The following PHF24 variants were observed in gnomAD, a reference collection of about 807,000 sequenced individuals.
PHF24 encodes the protein PHD finger protein 24.
PHF24 carries 25 observed loss-of-function variants against 42.6 expected under a neutral mutation model. The ratio of observed to expected loss-of-function variants is 0.59; its 90% confidence interval spans 0.43 to 0.82. The LOEUF is 0.82. Among genes scored for constraint, PHF24 ranks in the 40% least tolerant of loss-of-function variants. The probability of loss-of-function intolerance (pLI) is 0.00; values close to 1 mark genes in which losing one functional copy is unlikely to be tolerated. For synonymous variants in PHF24, 185 were observed against 204.8 expected (o/e 0.90, Z 0.83); for missense variants, 470 against 538.1 (o/e 0.87, Z 1.25).
the PHF24 span, among the ~76,000 whole-genome samples, chr9:34,686,472 C>T: frequency 2.6e-5 from 4 of 152,138 alleles, no homozygotes; most frequent in African/African-American, 4.8e-5. Flanking sequence ...TTTTGTTAAT[C>T]ATATGTGTAT....
At chr9:34,971,536 G>A (rs750087334) in exon 2 of PHF24, 3 of 1,614,198 alleles carry the variant, frequency 1.9e-6, no homozygotes, top group Non-Finnish European at 2.5e-6. Flanking sequence ...CGCAGCCTGG[G>A]AGCGGCTCCG....
the PHF24 span, among the ~76,000 whole-genome samples, chr9:34,931,301 G>A: frequency 6.7e-5 from 10 of 148,880 alleles, no homozygotes; most frequent in African/African-American, 1.2e-4. Flanking sequence ...GCATGAACCC[G>A]AGAGGCGGAG....
chr9:34,936,997 G>A, the PHF24 span, among the ~76,000 whole-genome samples: 8 of 145,292 alleles, frequency 5.5e-5, no homozygotes, highest in African/African-American at 2.0e-4. Flanking sequence ...CCCCCGCCAG[G>A]CCAGCCGCCC....
chr9:34,931,191 A>G, the PHF24 span, among the ~76,000 whole-genome samples: 1 of 152,014 alleles, frequency 6.6e-6, no homozygotes, highest in Non-Finnish European at 1.5e-5. Context: ...CCTGGCTAAC[A>G]TGGTGAAACC....
chr9:34,709,780 A>T, the PHF24 span: 1 of 1,612,978 alleles, frequency 6.2e-7, no homozygotes. Context: ...CACTCACAGG[A>T]TAGCTGGGAT....
the PHF24 span, chr9:34,689,886 G>C: frequency 6.2e-7 from 1 of 1,614,140 alleles, no homozygotes; most frequent in South Asian, 1.1e-5. This position sits in a 1 kb window ranked among gnomAD's most constrained non-coding sequence, Gnocchi z 4.1. Context: ...ATCTTAGACA[G>C]GAGCTCAGAG....
chr9:34,818,536 C>G, the PHF24 span, among the ~76,000 whole-genome samples: 5 of 152,162 alleles, frequency 3.3e-5, no homozygotes, highest in African/African-American at 1.2e-4. Flanking sequence ...CCCACTTAGT[C>G]ATGAAAATTT....
chr9:34,846,915 T>C, the PHF24 span, among the ~76,000 whole-genome samples: 10 of 152,180 alleles, frequency 6.6e-5, no homozygotes. Flanking sequence ...GTTGTAGATA[T>C]GCGGCATTAT....
upstream of PHF24, chr9:34,957,844 G>T (rs1051087844): frequency 7.2e-6 from 1 of 138,832 alleles, no homozygotes; most frequent in African/African-American, 2.6e-5. Flanking sequence ...CCCAACCCCC[G>T]GCGCGGAACG....
At chr9:34,721,399 T>TTCTCTCTCTCTCTCTCTCTCTC in the PHF24 span, among the ~76,000 whole-genome samples, 1 of 139,340 alleles carries the variant, frequency 7.2e-6, no homozygotes, top group African/African-American at 2.8e-5. Context: ...TGTCTTTCCA[T>TTCTCTCTCTCTCTCTCTCTCTC]TCTCTCTCTC....
At chr9:34,776,973 T>C in the PHF24 span, among the ~76,000 whole-genome samples, 6 of 152,248 alleles carry the variant, frequency 3.9e-5, no homozygotes, top group Non-Finnish European at 7.3e-5. Context: ...TATGATTTAT[T>C]TGGCTGTAAA....
the PHF24 span, among the ~76,000 whole-genome samples, chr9:34,675,634 C>T: frequency 0.025 from 3,777 of 152,238 alleles, 76 homozygotes; most frequent in Admixed American, 0.053. Flanking sequence ...CCCTTCCCTG[C>T]GTCCTATCCC....
At chr9:34,945,581 G>T in the PHF24 span, among the ~76,000 whole-genome samples, 1 of 152,152 alleles carries the variant, frequency 6.6e-6, no homozygotes, top group Non-Finnish European at 1.5e-5. Context: ...TAAGGGGTCT[G>T]CCCTCATGAA....
chr9:34,895,847 A>T, the PHF24 span: 1 of 397,170 alleles, frequency 2.5e-6, no homozygotes. Flanking sequence ...AGACTGCATC[A>T]CAAAGCCCTC....
At chr9:34,787,776 C>T in the PHF24 span, among the ~76,000 whole-genome samples, 1 of 152,054 alleles carries the variant, frequency 6.6e-6, no homozygotes, top group African/African-American at 2.4e-5. Flanking sequence ...CCTTTCCTTC[C>T]ATTTACTCCT....
chr9:34,919,740 CTCTATA>C, the PHF24 span, among the ~76,000 whole-genome samples: 9 of 146,424 alleles, frequency 6.1e-5, no homozygotes, highest in South Asian at 1.1e-3. Context: ...TCATTCTACT[CTCTATA>C]TCTATGAGTT....
the PHF24 span, among the ~76,000 whole-genome samples, chr9:34,670,498 C>G: frequency 3.3e-5 from 5 of 152,242 alleles, no homozygotes; most frequent in East Asian, 9.6e-4. Flanking sequence ...TCGCCTCTCT[C>G]TCCCTTTTTG....
the PHF24 span, among the ~76,000 whole-genome samples, chr9:34,886,750 A>G: frequency 0.44 from 64,099 of 146,444 alleles, 14,072 homozygotes; most frequent in South Asian, 0.64. Flanking sequence ...CTATCTATCT[A>G]TCTATCTGTC....
At chr9:34,749,891 T>C in the PHF24 span, among the ~76,000 whole-genome samples, 1 of 152,086 alleles carries the variant, frequency 6.6e-6, no homozygotes, top group Admixed American at 6.6e-5. Flanking sequence ...CAGCAGACTT[T>C]TCAGTGGAAA....
Sources: allele counts gnomAD v4.1 joint callset (sites outside exome capture counted in the v4.1 genomes callset), GRCh38; gene constraint gnomAD v4.1.1; non-coding constraint Gnocchi (gnomAD v3.1); transcripts MANE v1.5; gene names NCBI Gene and HGNC (gene_info 2026-07-23, HGNC 2026-07-21).